Variants in RAP1A observed in about 807,000 individuals in gnomAD.
RAP1A encodes ras-related protein Rap-1A.
RAP1A carries 6 observed loss-of-function variants against 26.4 expected under a neutral mutation model. That is an observed-to-expected ratio of 0.23 (90% confidence interval 0.12 to 0.45). The LOEUF is 0.45. RAP1A is among the 20% of genes least tolerant of loss of function. The probability of loss-of-function intolerance (pLI) is 0.99; values close to 1 mark genes in which losing one functional copy is unlikely to be tolerated. For missense variants in RAP1A, 121 were observed against 217.2 expected, an observed-to-expected ratio of 0.56 and a Z score of 2.78; for synonymous variants, 73 against 79.4, an observed-to-expected ratio of 0.92 and a Z score of 0.43.
At chr1:111,629,218 G>C (rs563063872) in intron 1 of RAP1A, among the ~76,000 whole-genome samples, 1 of 152,220 alleles carries the variant, frequency 6.6e-6, no homozygotes, top group Admixed American at 6.5e-5. Context: ...GAAATTGTGT[G>C]TATGATGTTT....
At chr1:111,701,198 C>CTAA (rs1463058519) in intron 4 of RAP1A, among the ~76,000 whole-genome samples, 1 of 152,170 alleles carries the variant, frequency 6.6e-6, no homozygotes, top group East Asian at 1.9e-4. Flanking sequence ...TATACTCACC[C>CTAA]ACTAGGTAAC....
intron 1 of RAP1A, among the ~76,000 whole-genome samples, chr1:111,579,198 A>C (rs1658201940): frequency 6.6e-6 from 1 of 152,126 alleles, no homozygotes; most frequent in Non-Finnish European, 1.5e-5. Context: ...GTAGGGTTGA[A>C]AGTTCCAATC....
chr1:111,683,025 T>C (rs925903412), intron 1 of RAP1A, among the ~76,000 whole-genome samples: 7 of 152,086 alleles, frequency 4.6e-5, no homozygotes, highest in Non-Finnish European at 7.4e-5. Context: ...CACTCAAAAC[T>C]GCACAACTAC....
At chr1:111,564,072 G>A (rs1657855730) in intron 1 of RAP1A, 1 of 704,124 alleles carries the variant, frequency 1.4e-6, no homozygotes, top group African/African-American at 1.8e-5. Flanking sequence ...TAGAGAATTG[G>A]ACATACTCAT....
At chr1:111,647,935 G>A (rs549028148) in intron 1 of RAP1A, among the ~76,000 whole-genome samples, 20 of 152,202 alleles carry the variant, frequency 1.3e-4, no homozygotes, top group African/African-American at 4.6e-4. Context: ...ACTTCAAGGC[G>A]TTTAGTAACA....
At chr1:111,699,430 T>A (rs1661943769) in intron 4 of RAP1A, among the ~76,000 whole-genome samples, 1 of 151,058 alleles carries the variant, frequency 6.6e-6, no homozygotes, top group Non-Finnish European at 1.5e-5. Flanking sequence ...CCTCCATTAC[T>A]CACTACTTTT....
At chr1:111,692,785 G>A (rs1022325860) in intron 2 of RAP1A, among the ~76,000 whole-genome samples, 4 of 152,128 alleles carry the variant, frequency 2.6e-5, no homozygotes, top group African/African-American at 9.7e-5. Flanking sequence ...TTAAAAAAAT[G>A]TAGGCTGAGG....
At chr1:111,576,133 C>T (rs1314928772) in intron 1 of RAP1A, among the ~76,000 whole-genome samples, 1 of 152,138 alleles carries the variant, frequency 6.6e-6, no homozygotes, top group Non-Finnish European at 1.5e-5. Flanking sequence ...TATGGATCAC[C>T]TGGAGAACGT....
intron 1 of RAP1A, among the ~76,000 whole-genome samples, chr1:111,639,240 A>G (rs1171607316): frequency 1.3e-5 from 2 of 152,144 alleles, no homozygotes; most frequent in East Asian, 1.9e-4. Flanking sequence ...AGAGTTATAC[A>G]TAGATTTTCC....
At chr1:111,564,580 T>C (rs1657869512) in intron 1 of RAP1A, among the ~76,000 whole-genome samples, 1 of 149,084 alleles carries the variant, frequency 6.7e-6, no homozygotes. Flanking sequence ...TGGCACGATC[T>C]CGGCTCACTG....
At chr1:111,598,522 A>AT (rs781192967) in intron 1 of RAP1A, among the ~76,000 whole-genome samples, 7 of 152,066 alleles carry the variant, frequency 4.6e-5, no homozygotes, top group Non-Finnish European at 8.8e-5. Context: ...AGCACCTTCT[A>AT]TTACATACCC....
At chr1:111,660,951 C>G (rs1239688328) in intron 1 of RAP1A, among the ~76,000 whole-genome samples, 4 of 152,218 alleles carry the variant, frequency 2.6e-5, no homozygotes, top group Non-Finnish European at 4.4e-5. Flanking sequence ...TCAAACATCA[C>G]TCTTCTAGAT....
intron 4 of RAP1A, among the ~76,000 whole-genome samples, chr1:111,699,053 A>G (rs1473665062): frequency 6.6e-6 from 1 of 151,878 alleles, no homozygotes; most frequent in Non-Finnish European, 1.5e-5. Flanking sequence ...GCTATCCAAT[A>G]TCGTGTCTGT....
chr1:111,638,333 T>C (rs1218954019), intron 1 of RAP1A, among the ~76,000 whole-genome samples: 1 of 152,254 alleles, frequency 6.6e-6, no homozygotes. Context: ...TTGTTTTTTA[T>C]TTCTGCAGCA....
chr1:111,553,478 A>G (rs1657354967), intron 1 of RAP1A, among the ~76,000 whole-genome samples: 1 of 152,094 alleles, frequency 6.6e-6, no homozygotes. Context: ...ACGCAACAGG[A>G]TAACTTTTTA....
chr1:111,693,833 T>G (rs1412242211), intron 2 of RAP1A, among the ~76,000 whole-genome samples: 2 of 151,996 alleles, frequency 1.3e-5, no homozygotes, highest in African/African-American at 4.8e-5. Flanking sequence ...AGCCTCTGCC[T>G]TGGACCATAT....
At chr1:111,567,559 A>G (rs979861901) in intron 1 of RAP1A, among the ~76,000 whole-genome samples, 4 of 152,186 alleles carry the variant, frequency 2.6e-5, no homozygotes, top group African/African-American at 9.7e-5. Context: ...CCCCAAAGGT[A>G]ACTGTATTTG....
At chr1:111,608,706 C>T (rs534086444) in intron 1 of RAP1A, 21 of 161,272 alleles carry the variant, frequency 1.3e-4, no homozygotes, top group Admixed American at 2.6e-4. Context: ...GGAGACCAGC[C>T]CGGCCAACAC....
intron 1 of RAP1A, among the ~76,000 whole-genome samples, chr1:111,553,602 C>A (rs1257841196): frequency 5.9e-5 from 9 of 152,164 alleles, no homozygotes; most frequent in Non-Finnish European, 1.0e-4. Flanking sequence ...ATCTAAATTT[C>A]TTTATCTGGC....
Sources: gnomAD v4.1 joint callset for allele counts (sites outside exome capture counted in the v4.1 genomes callset) on GRCh38, gnomAD v4.1.1 for gene constraint, MANE v1.5 for transcripts, NCBI Gene and HGNC (gene_info 2026-07-23, HGNC 2026-07-21) for gene names.